Variants in FAM228B observed in about 807,000 individuals in gnomAD.
The protein encoded by FAM228B is family with sequence similarity 228 member B.
A neutral mutation model predicts 42.6 loss-of-function variants in FAM228B; 38 were observed. That is an observed-to-expected ratio of 0.89 (90% confidence interval 0.69 to 1.17). The LOEUF (loss-of-function observed/expected upper bound fraction) is 1.17, where lower values mean the gene tolerates loss of function less well. Among genes scored for constraint, FAM228B ranks in the 50% most tolerant of loss-of-function variants. FAM228B has a pLI of 0.00. For synonymous variants in FAM228B, 109 were observed against 122.3 expected (o/e 0.89, Z 0.72); for missense variants, 344 against 367.3 (o/e 0.94, Z 0.52).
chr2:24,115,451 T>C (rs1573746012), intron 3 of FAM228B: 6 of 704,902 alleles, frequency 8.5e-6, no homozygotes, highest in Non-Finnish European at 1.4e-5. Context: ...GTAATAAAAA[T>C]TGCTCCCTTA....
intron 3 of FAM228B, among the ~76,000 whole-genome samples, chr2:24,105,291 C>A (rs1558372083): frequency 6.6e-6 from 1 of 152,114 alleles, no homozygotes; most frequent in Non-Finnish European, 1.5e-5. Flanking sequence ...ACCAGAACAC[C>A]CCAAAAAAGA....
intron 7 of FAM228B, among the ~76,000 whole-genome samples, chr2:24,155,784 G>A (rs534647766): frequency 4.9e-4 from 75 of 151,802 alleles, no homozygotes; most frequent in Middle Eastern, 6.8e-3. Context: ...CAGGTGATCC[G>A]CTGCCTTGGC....
chr2:24,152,165 A>G (rs1667039884), intron 7 of FAM228B, among the ~76,000 whole-genome samples: 3 of 152,210 alleles, frequency 2.0e-5, no homozygotes, highest in Admixed American at 2.0e-4. Flanking sequence ...CACCACGCCC[A>G]GACAATTCTT....
At chr2:24,137,872 G>C in intron 3 of FAM228B, 37 bp from the exon 4 acceptor site, 5 of 1,425,302 alleles carry the variant, frequency 3.5e-6, no homozygotes, top group Non-Finnish European at 4.7e-6. Context: ...GAAAGCTTTA[G>C]GATAATATAT....
rs1667286135 is a variant in FAM228B, at chr2:24,161,553, C to A, written c.734C>A (p.Pro245His). 1 of 1,548,598 alleles carries A rather than the reference C, an allele frequency of 6.5e-7. No individual in the cohort carries two copies. The highest frequency in any genetic ancestry group is 8.7e-7 in the Non-Finnish European group (1 of 1,144,170). Residue 245 changes from proline (P) to histidine (H), a missense_variant, in exon 8 of 11, where the codon CCT becomes CAT. Physicochemically the swap from Pro to His is moderately conservative, Grantham distance 77. Coordinates refer to ENST00000615575, the MANE Select transcript of FAM228B (RefSeq NM_001145710.2). ...AATGACTGTAGTTTTGATTTGAAAC[C>A]TTTGGCAAGAGCTCCTTATCTTTTG... ...NFNDCSFDLK[P>H]LARAPYLLES...
intron 2 of FAM228B, among the ~76,000 whole-genome samples, chr2:24,128,023 A>G (rs948783724): frequency 5.9e-5 from 9 of 152,314 alleles, no homozygotes; most frequent in Admixed American, 3.9e-4. Context: ...TGTATGTACA[A>G]TAACCTGCTT....
At chr2:24,123,048 AC>A (rs1666172076), upstream of FAM228B, 1 of 152,170 alleles carries the variant, frequency 6.6e-6, no homozygotes, top group Non-Finnish European at 1.5e-5. Context: ...TGGACTAAAA[AC>A]ACCTTGAAGG....
At chr2:24,134,872 C>A (rs956095019) in intron 2 of FAM228B, among the ~76,000 whole-genome samples, 2 of 152,198 alleles carry the variant, frequency 1.3e-5, no homozygotes, top group Non-Finnish European at 2.9e-5. Context: ...ATCGCTTGAA[C>A]CCTGGAAGTG....
chr2:24,150,134 A>T lies in FAM228B; in HGVS notation c.686+3048A>T, dbSNP rs1000655658. 2.6e-5 allele frequency among the ~76,000 whole-genome samples: 4 copies of T among 152,206 alleles called. No homozygotes were observed. In the South Asian group the frequency reaches 8.3e-4, roughly 32 times the overall value. On this transcript the variant is annotated intron_variant, in intron 7 of 10. Transcript: ENST00000615575. Reference sequence around the variant, plus strand: ...TTTAATAAGATAAGAGTATTTGCACACCACCATTGCAGTGTTATATTATTC... The same window carrying T: ...TTTAATAAGATAAGAGTATTTGCACTCCACCATTGCAGTGTTATATTATTC...
chr2:24,131,680 G>A (rs1384678339), intron 2 of FAM228B, among the ~76,000 whole-genome samples: 1 of 152,172 alleles, frequency 6.6e-6, no homozygotes, highest in Admixed American at 6.5e-5. Context: ...CATCGATTTT[G>A]TATTCGGAGG....
chr2:24,115,691 C>A, intron 3 of FAM228B: 1 of 1,487,868 alleles, frequency 6.7e-7, no homozygotes, highest in South Asian at 1.1e-5. Context: ...ATTTATTATT[C>A]CACAAACATT....
intron 3 of FAM228B, chr2:24,115,275 G>A (rs1665878074): frequency 6.8e-6 from 2 of 294,600 alleles, no homozygotes; most frequent in Admixed American, 9.0e-5. Context: ...TGCATTCTTG[G>A]CATACTTAGC....
intron 3 of FAM228B, among the ~76,000 whole-genome samples, chr2:24,101,378 G>A (rs1401369080): frequency 6.6e-6 from 1 of 151,898 alleles, no homozygotes; most frequent in African/African-American, 2.4e-5. Flanking sequence ...CTTATCTGCA[G>A]GAAAAATATG....
chr2:24,104,353 T>C (rs1665665257), intron 3 of FAM228B, among the ~76,000 whole-genome samples: 1 of 152,224 alleles, frequency 6.6e-6, no homozygotes, highest in Admixed American at 6.5e-5. Flanking sequence ...GGGACCTCTA[T>C]AAGCCTTGGG....
At chr2:24,153,935 C>T (rs868694628) in intron 7 of FAM228B, among the ~76,000 whole-genome samples, 4 of 152,192 alleles carry the variant, frequency 2.6e-5, no homozygotes, top group East Asian at 3.8e-4. Context: ...GCTTCCTGAG[C>T]GGGTGCTGGC....
chr2:24,094,496 C>T (rs1665456239), intron 2 of FAM228B, among the ~76,000 whole-genome samples: 2 of 152,110 alleles, frequency 1.3e-5, no homozygotes, highest in African/African-American at 4.8e-5. Flanking sequence ...CTTTTTCCCC[C>T]TCCCGAGAGA....
chr2:24,132,578 G>A (rs1014246409), intron 2 of FAM228B, among the ~76,000 whole-genome samples: 2 of 149,824 alleles, frequency 1.3e-5, no homozygotes, highest in East Asian at 2.0e-4. Context: ...TTAGTCTTGG[G>A]AGGGTGTATG....
intron 2 of FAM228B, among the ~76,000 whole-genome samples, chr2:24,131,930 A>G (rs1396476879): frequency 6.6e-6 from 1 of 152,222 alleles, no homozygotes; most frequent in Admixed American, 6.5e-5. Context: ...AAATGCTTCC[A>G]GCTTTTGCCC....
At chr2:24,119,627 T>C (rs918563205), upstream of FAM228B, 2 of 1,613,850 alleles carry the variant, frequency 1.2e-6, no homozygotes, top group Admixed American at 1.7e-5. Flanking sequence ...GCCCTCAGTG[T>C]AAGTTGCTAC....
Sources: gnomAD v4.1 joint callset for allele counts (sites outside exome capture counted in the v4.1 genomes callset) on GRCh38, gnomAD v4.1.1 for gene constraint, MANE v1.5 for transcripts, NCBI Gene and HGNC (gene_info 2026-07-23, HGNC 2026-07-21) for gene names.